The following APBB1IP variants were observed in gnomAD, a reference collection of about 807,000 sequenced individuals.
The protein encoded by APBB1IP is amyloid beta precursor protein binding family B member 1 interacting protein.
Under a neutral mutation model 64.9 loss-of-function variants are expected in APBB1IP, and 27 were observed. The ratio of observed to expected loss-of-function variants is 0.42; its 90% CI spans 0.31 to 0.57. The LOEUF (loss-of-function observed/expected upper bound fraction) is 0.57. APBB1IP is among the 20% of genes least tolerant of loss of function. APBB1IP has a pLI of 0.20. For missense variants in APBB1IP, 812 were observed against 845.5 expected (o/e 0.96, Z 0.49); for synonymous variants, 392 against 331.0 (o/e 1.18, Z -2.00).
chr10:26,522,310 A>G (rs1020244159), intron 8 of APBB1IP, among the ~76,000 whole-genome samples: 2 of 152,062 alleles, frequency 1.3e-5, no homozygotes, highest in Non-Finnish European at 2.9e-5. Context: ...AGCTTCCCCC[A>G]CTATCAACAC....
At chr10:26,532,566 C>G (rs938323487) in intron 8 of APBB1IP, among the ~76,000 whole-genome samples, 14 of 152,070 alleles carry the variant, frequency 9.2e-5, no homozygotes, top group Admixed American at 4.6e-4. Context: ...ACTGCAGCCT[C>G]AAACTCCTGG....
chr10:26,483,092 TA>T (rs35069320), intron 2 of APBB1IP, among the ~76,000 whole-genome samples: 14,671 of 66,878 alleles, frequency 0.22, 770 homozygotes, highest in Middle Eastern at 0.33. Context: ...CTCCATCTGA[TA>T]AAAAAAAAAA....
chr10:26,554,552 T>G (rs1286358117), intron 11 of APBB1IP, among the ~76,000 whole-genome samples: 2 of 152,120 alleles, frequency 1.3e-5, no homozygotes, highest in Non-Finnish European at 2.9e-5. Flanking sequence ...TTTTGGTGGT[T>G]GTTTTTGTTT....
At chr10:26,492,975 C>T (rs1835975457) in intron 3 of APBB1IP, among the ~76,000 whole-genome samples, 2 of 152,118 alleles carry the variant, frequency 1.3e-5, no homozygotes, top group Non-Finnish European at 1.5e-5. Context: ...ATGTTTCATC[C>T]GTTATCTTCA....
At chr10:26,503,335 A>T in intron 6 of APBB1IP, 61 bp downstream of exon 6, 1 of 1,569,402 alleles carries the variant, frequency 6.4e-7, no homozygotes, top group Admixed American at 1.8e-5. Context: ...ATTATGCTTA[A>T]TGATAAAAAA....
At chr10:26,546,200 A>G (rs780284144) in intron 11 of APBB1IP, among the ~76,000 whole-genome samples, 45 of 152,254 alleles carry the variant, frequency 3.0e-4, no homozygotes, top group Non-Finnish European at 4.0e-4. Flanking sequence ...CTACAAAATC[A>G]TTAGTGCAAT....
Position 26,562,448 on chromosome 10 carries a change from T to C in APBB1IP, c.1473+19T>C. The C allele has an allele frequency of 6.3e-7, 1 of 1,596,536 alleles. No individual in the cohort carries two copies. The highest frequency in any genetic ancestry group is 1.7e-5 in the Admixed American group (1 of 59,956). On this transcript the variant is annotated intron_variant, in intron 14 of 14. Transcript: ENST00000376236. ...ATCGAAGGTAAAACCAGCAAGCAGC[T>C]GACCCCTATAAGCCATGTTCTAAAC... is the stretch of plus-strand genomic sequence containing the variant.
At chr10:26,446,325 C>T (rs1287535597) in intron 2 of APBB1IP, among the ~76,000 whole-genome samples, 1 of 152,178 alleles carries the variant, frequency 6.6e-6, no homozygotes, top group Admixed American at 6.5e-5. Context: ...TGGCTTCCTT[C>T]TGATTAAATT....
chr10:26,531,478 T>C (rs1289718830), intron 8 of APBB1IP, among the ~76,000 whole-genome samples: 1 of 152,032 alleles, frequency 6.6e-6, no homozygotes, highest in Non-Finnish European at 1.5e-5. Context: ...CCATCCTGGC[T>C]AACATGGTGA....
intron 5 of APBB1IP, 102 bp from the exon 6 acceptor site, chr10:26,503,095 T>A: frequency 9.1e-7 from 1 of 1,099,858 alleles, no homozygotes; most frequent in South Asian, 1.7e-5. Flanking sequence ...ATTTGGTACC[T>A]TTTGTTAATA....
chr10:26,455,200 C>T (rs1835508597), intron 2 of APBB1IP, among the ~76,000 whole-genome samples: 1 of 152,096 alleles, frequency 6.6e-6, no homozygotes, highest in South Asian at 2.1e-4. Context: ...TAAATATGGG[C>T]CATGGAGTAA....
chr10:26,533,745 C>G (rs566591935), intron 9 of APBB1IP, among the ~76,000 whole-genome samples: 36 of 152,216 alleles, frequency 2.4e-4, no homozygotes, highest in African/African-American at 8.2e-4. Context: ...ATAAATGAAG[C>G]TGGATTTGTA....
rs183760736 is a variant in APBB1IP, at chr10:26,536,095, A to G, written c.922A>G (p.Ile308Val). The G allele has an allele frequency of 3.0e-5, 48 of 1,595,668 alleles. No individual in the cohort carries two copies. In the Admixed American group the frequency reaches 8.5e-4, roughly 28 times the overall value. The change falls in exon 10 of 15, where the codon ATC (isoleucine) becomes GTC (valine). Residue 308 changes from isoleucine (I) to valine (V), a missense_variant. Physicochemically the swap from Ile to Val is conservative, Grantham distance 29. This residue lies in a region of APBB1IP where 394 missense variants were observed against 413.1 expected (regional missense o/e 0.95). Transcript: ENST00000376236. ...LLEESFCGTS[I>V]IVPELEGALY... is the part of the protein sequence containing the mutation. Reference sequence around the variant, plus strand: ...TCAGGAAAGTTTCTGTGGAACATCTATCATTGTACCAGAACTGGAAGGAGC... The same window carrying G: ...TCAGGAAAGTTTCTGTGGAACATCTGTCATTGTACCAGAACTGGAAGGAGC...
intron 11 of APBB1IP, among the ~76,000 whole-genome samples, chr10:26,552,009 A>G (rs1190897303): frequency 6.6e-6 from 1 of 152,178 alleles, no homozygotes; most frequent in African/African-American, 2.4e-5. Context: ...CCTTCAAAAC[A>G]TGGTTCAGGG....
At chr10:26,501,937 C>T (rs1836106478) in intron 5 of APBB1IP, 1 of 152,176 alleles carries the variant, frequency 6.6e-6, no homozygotes, top group Non-Finnish European at 1.5e-5. Flanking sequence ...TACTCTATCA[C>T]ACACAGTGCT....
chr10:26,567,453 A>AAC lies in APBB1IP; in HGVS notation c.1967_1968insCA (p.Lys656AsnfsTer34), dbSNP rs1564381595. 6.2e-7 allele frequency: 1 copy of AAC among 1,601,580 alleles called. No homozygotes were observed. The highest frequency in any genetic ancestry group is 8.5e-7 in the Non-Finnish European group (1 of 1,171,566). ...GCAAGATTTCATGTCAGACCTCATG[A>AAC]AAGCTTTGCAAAAGAAGAGAGGCAA... is the stretch of plus-strand genomic sequence containing the variant. On this transcript the variant is annotated frameshift_variant, in exon 15 of 15. Transcript: ENST00000376236. LOFTEE classifies it high-confidence loss of function.
rs148868443 is a variant in APBB1IP at position 26,508,264 on chromosome 10, T to C, written c.532-3483T>C. On this transcript the variant is annotated intron_variant, in intron 6 of 14. Coordinates refer to ENST00000376236, the MANE Select transcript of APBB1IP (RefSeq NM_019043.4). Reference sequence around the variant, plus strand: ...TGACATCATTTTGAATTACAAATGATGTATACAGCTTGTGCTACAAAGATT... The same window carrying C: ...TGACATCATTTTGAATTACAAATGACGTATACAGCTTGTGCTACAAAGATT... Among the ~76,000 whole-genome samples, 945 of 152,336 alleles carry C rather than the reference T, an allele frequency of 6.2e-3. 8 individuals carry two copies. The highest frequency in any genetic ancestry group is 0.015 in the South Asian group (74 of 4,828).
intron 2 of APBB1IP, among the ~76,000 whole-genome samples, chr10:26,445,160 GAAA>G (rs1188714634): frequency 6.9e-6 from 1 of 145,884 alleles, no homozygotes; most frequent in East Asian, 2.0e-4. Context: ...AAGAAAGAAA[GAAA>G]GAAAGAAAGA....
At chr10:26,507,260 A>G (rs1358770226) in intron 6 of APBB1IP, among the ~76,000 whole-genome samples, 1 of 152,168 alleles carries the variant, frequency 6.6e-6, no homozygotes, top group Non-Finnish European at 1.5e-5. Flanking sequence ...TGGGAGGCCG[A>G]GGCAGGAGGA....
Sources: gnomAD v4.1 joint callset for allele counts (sites outside exome capture counted in the v4.1 genomes callset) on GRCh38, gnomAD v4.1.1 for gene constraint, gnomAD v4.1.1 regional missense constraint, MANE v1.5 for transcripts, NCBI Gene and HGNC (gene_info 2026-07-23, HGNC 2026-07-21) for gene names.